Variants in SERINC1 observed in about 807,000 individuals in gnomAD.
SERINC1 encodes the protein tumor differentially expressed protein 2.
SERINC1 carries 38 observed loss-of-function variants against 52.9 expected under a neutral mutation model. That is an observed-to-expected ratio of 0.72 (90% CI 0.55 to 0.94). SERINC1 has a LOEUF of 0.94. SERINC1 is among the 40% of genes least tolerant of loss of function. The probability of loss-of-function intolerance (pLI) is 0.00; values close to 1 mark genes in which losing one functional copy is unlikely to be tolerated. For missense variants in SERINC1, 471 were observed against 533.9 expected, an observed-to-expected ratio of 0.88 and a Z score of 1.16; for synonymous variants, 198 against 183.1, an observed-to-expected ratio of 1.08 and a Z score of -0.66.
Position 122,471,762 on chromosome 6 carries a change from G to C in SERINC1, c.-25C>G. On this transcript the variant is annotated 5_prime_UTR_variant, in exon 1 of 10. In the 5' UTR this introduces an upstream ATG that the reference lacks. Coordinates refer to ENST00000339697, the MANE Select transcript of SERINC1 (RefSeq NM_020755.4). ...TCTCCACAACGTCACAAGAGCAGCG[G>C]ATACAGACAAGATGGAGACAGCTTC... 1 of 1,613,966 alleles carries C rather than the reference G, an allele frequency of 6.2e-7. No individual in the cohort carries two copies.
intron 7 of SERINC1, among the ~76,000 whole-genome samples, chr6:122,451,097 G>A (rs1774894836): frequency 6.6e-6 from 1 of 152,118 alleles, no homozygotes; most frequent in South Asian, 2.1e-4. Context: ...AATATTTTGT[G>A]AAAGGAGGAG....
intron 1 of SERINC1, among the ~76,000 whole-genome samples, chr6:122,468,375 C>T (rs1001033549): frequency 3.3e-5 from 5 of 152,232 alleles, no homozygotes; most frequent in Admixed American, 3.3e-4. Context: ...GCTAGTGGCA[C>T]GCCTCACCCC....
chr6:122,470,927 GC>G (rs1562219075), intron 1 of SERINC1, among the ~76,000 whole-genome samples: 1 of 151,772 alleles, frequency 6.6e-6, no homozygotes, highest in Admixed American at 6.6e-5. Flanking sequence ...CCAAAGTCTT[GC>G]CACTATACTG....
At chr6:122,462,881 A>T (rs1404504123) in intron 1 of SERINC1, among the ~76,000 whole-genome samples, 1 of 152,222 alleles carries the variant, frequency 6.6e-6, no homozygotes, top group African/African-American at 2.4e-5. Context: ...GAAGACAATT[A>T]TTTTCAAGAT....
In SERINC1 at chr6:122,446,866, T is replaced by G; in HGVS notation, c.1134A>C (p.Glu378Asp). Residue 378 changes from glutamate (E) to aspartate (D), a missense_variant, in exon 9 of 10, where the codon GAA (glutamate) becomes GAC (aspartate). By Grantham distance (45) the Glu-to-Asp change is conservative. Transcript: ENST00000339697. ...GDDVHRAVDN[E>D]RDGVTYSYSF... ...AATAACTGTAAGTGACACCATCCCTTTCATTATCTACAGCTCGGTGAACAT... is the reference window on the plus strand; with the variant it reads ...AATAACTGTAAGTGACACCATCCCTGTCATTATCTACAGCTCGGTGAACAT... 6.2e-7 allele frequency: 1 copy of G among 1,613,988 alleles called. No homozygotes were observed. The highest frequency in any genetic ancestry group is 8.5e-7 in the Non-Finnish European group (1 of 1,179,914).
chr6:122,458,139 A>G (rs927275113), intron 2 of SERINC1, among the ~76,000 whole-genome samples: 6 of 152,124 alleles, frequency 3.9e-5, no homozygotes, highest in Non-Finnish European at 5.9e-5. Context: ...ATTAATTGTA[A>G]GATTAATCTT....
rs764075501 is a variant in SERINC1 at position 122,457,820 on chromosome 6, T to TATAC, written c.201+696_201+699dup. ...TAAGACATACATATATATATATATA[T>TATAC]ATACATGTACACGATACAATACCAC... On this transcript the variant is annotated intron_variant, in intron 2 of 9. Coordinates refer to ENST00000339697, the MANE Select transcript of SERINC1 (RefSeq NM_020755.4). Among the ~76,000 whole-genome samples, 4 of 151,666 alleles carry TATAC rather than the reference T, an allele frequency of 2.6e-5. No homozygotes were observed. In the East Asian group the frequency reaches 5.8e-4, roughly 22 times the overall value.
At chr6:122,469,991 A>G (rs1186952271) in intron 1 of SERINC1, among the ~76,000 whole-genome samples, 1 of 152,250 alleles carries the variant, frequency 6.6e-6, no homozygotes, top group African/African-American at 2.4e-5. Flanking sequence ...AAATCAAACA[A>G]TTAATGAATA....
intron 1 of SERINC1, among the ~76,000 whole-genome samples, chr6:122,467,275 C>A (rs1237718014): frequency 1.3e-5 from 2 of 152,088 alleles, no homozygotes; most frequent in African/African-American, 2.4e-5. Context: ...GAGATGCATA[C>A]AGCTGGGGAA....
chr6:122,456,449 G>A (rs1464766669), intron 3 of SERINC1, 32 bp downstream of exon 3: 2 of 1,395,110 alleles, frequency 1.4e-6, no homozygotes, highest in Non-Finnish European at 9.5e-7. Context: ...GGCTACCCAA[G>A]CTTTTATATT....
chr6:122,447,332 G>A (rs1187916092), intron 7 of SERINC1, 67 bp from the exon 8 acceptor site: 18 of 1,330,516 alleles, frequency 1.4e-5, no homozygotes, highest in Middle Eastern at 1.9e-4. Flanking sequence ...GCAAACAAAA[G>A]TTATTTTTAA....
intron 5 of SERINC1, 44 bp from the exon 6 acceptor site, chr6:122,452,101 T>G: frequency 7.9e-7 from 1 of 1,271,192 alleles, no homozygotes; most frequent in Non-Finnish European, 1.0e-6. Context: ...TTATCAGAAA[T>G]TATTAGCAAT....
intron 9 of SERINC1, among the ~76,000 whole-genome samples, chr6:122,445,700 A>C (rs1038083457): frequency 2.6e-5 from 4 of 151,906 alleles, no homozygotes; most frequent in Non-Finnish European, 4.4e-5. Flanking sequence ...GAAATATACC[A>C]AAATCCTTCT....
intron 1 of SERINC1, among the ~76,000 whole-genome samples, chr6:122,462,834 C>A (rs1309888181): frequency 1.3e-5 from 2 of 152,162 alleles, no homozygotes; most frequent in African/African-American, 4.8e-5. Flanking sequence ...AAATCAAAGA[C>A]CTAAATGAAT....
chr6:122,465,028 GT>G (rs1319750636), intron 1 of SERINC1, among the ~76,000 whole-genome samples: 3 of 151,694 alleles, frequency 2.0e-5, no homozygotes, highest in Non-Finnish European at 2.9e-5. Context: ...AAGGTTTGGG[GT>G]TTTTTTTCTT....
intron 7 of SERINC1, among the ~76,000 whole-genome samples, chr6:122,449,016 G>A (rs1774858915): frequency 6.6e-6 from 1 of 151,936 alleles, no homozygotes; most frequent in Non-Finnish European, 1.5e-5. Flanking sequence ...TGTTACTATT[G>A]TAATTTCTTT....
At chr6:122,450,135 C>T (rs1180038772) in intron 7 of SERINC1, among the ~76,000 whole-genome samples, 1 of 152,208 alleles carries the variant, frequency 6.6e-6, no homozygotes, top group East Asian at 1.9e-4. Flanking sequence ...ATAGAGAAGT[C>T]AGTCAATGCC....
intron 1 of SERINC1, among the ~76,000 whole-genome samples, chr6:122,460,557 C>G (rs1432124209): frequency 6.6e-6 from 1 of 152,108 alleles, no homozygotes; most frequent in Non-Finnish European, 1.5e-5. Flanking sequence ...TTAACGAAAC[C>G]TAAAGGCAAA....
At chr6:122,447,304 A>T (rs1183857627) in intron 7 of SERINC1, 39 bp from the exon 8 acceptor site, 2 of 1,513,170 alleles carry the variant, frequency 1.3e-6, no homozygotes, top group African/African-American at 2.8e-5. Context: ...AGAATATATT[A>T]AAAAGATGTT....
Sources: allele counts gnomAD v4.1 joint callset (sites outside exome capture counted in the v4.1 genomes callset), GRCh38; gene constraint gnomAD v4.1.1; transcripts MANE v1.5; gene names NCBI Gene and HGNC (gene_info 2026-07-23, HGNC 2026-07-21).